Variants in PCDH15 observed in about 807,000 individuals in gnomAD.
PCDH15 encodes the protein protocadherin related 15, also known as protocadherin-15.
In PCDH15, 129 loss-of-function variants were observed where a neutral mutation model predicts 178.5. That is an observed-to-expected ratio of 0.72 (90% CI 0.63 to 0.84). PCDH15 has a LOEUF of 0.84. PCDH15 is among the 40% of genes least tolerant of loss of function. The probability of loss-of-function intolerance (pLI) is 0.00; values close to 1 mark genes in which losing one functional copy is unlikely to be tolerated. For synonymous variants in PCDH15, 800 were observed against 732.0 expected, an observed-to-expected ratio of 1.09 and a Z score of -1.50; for missense variants, 2,230 against 2,099.9, an observed-to-expected ratio of 1.06 and a Z score of -1.21.
chr10:54,065,061 T>C (rs2094111515), intron 18 of PCDH15, among the ~76,000 whole-genome samples: 1 of 152,204 alleles, frequency 6.6e-6, no homozygotes, highest in African/African-American at 2.4e-5. Flanking sequence ...CATCAGTATC[T>C]ACAGCCTGAC....
chr10:55,395,227 G>C (rs1310622850), intron 2 of PCDH15, among the ~76,000 whole-genome samples: 1 of 124,716 alleles, frequency 8.0e-6, no homozygotes, highest in Non-Finnish European at 1.9e-5. Flanking sequence ...GAGAGAGAGA[G>C]AGAGAAAGAG....
intron 2 of PCDH15, chr10:55,600,024 T>C: frequency 7.9e-7 from 1 of 1,265,432 alleles, no homozygotes; most frequent in Non-Finnish European, 1.0e-6. Context: ...TGCAAATAGA[T>C]TCAAACAAGC....
At chr10:55,243,210 AT>A (rs1382748993) in intron 1 of PCDH15, among the ~76,000 whole-genome samples, 4 of 152,214 alleles carry the variant, frequency 2.6e-5, no homozygotes, top group Non-Finnish European at 4.4e-5. Context: ...GCATTTTCAT[AT>A]TCCATTGAAC....
chr10:53,952,863 C>T (rs2087208551), intron 23 of PCDH15, among the ~76,000 whole-genome samples: 1 of 152,260 alleles, frequency 6.6e-6, no homozygotes, highest in Admixed American at 6.5e-5. Flanking sequence ...TGGGAACACA[C>T]AGCCAGGTGG....
chr10:54,146,122 GAATA>G (rs148507895), intron 14 of PCDH15, among the ~76,000 whole-genome samples: 6,126 of 151,892 alleles, frequency 0.04, 179 homozygotes, highest in South Asian at 0.06. Context: ...AAAAATAAAT[GAATA>G]AATAAATAGC....
chr10:55,316,642 G>T (rs1843729010), intron 1 of PCDH15, among the ~76,000 whole-genome samples: 5 of 152,080 alleles, frequency 3.3e-5, no homozygotes, highest in Admixed American at 3.3e-4. Flanking sequence ...AAGAAAGGAA[G>T]CATGTTTTGG....
At chr10:54,569,404 G>T (rs2089487108) in intron 2 of PCDH15, among the ~76,000 whole-genome samples, 1 of 152,134 alleles carries the variant, frequency 6.6e-6, no homozygotes, top group Non-Finnish European at 1.5e-5. Context: ...TTTTGCAGCA[G>T]AGAAGTTCCC....
At chr10:54,375,031 T>C (rs1025583872) in intron 4 of PCDH15, among the ~76,000 whole-genome samples, 2 of 152,102 alleles carry the variant, frequency 1.3e-5, no homozygotes, top group African/African-American at 4.8e-5. Context: ...GTAGAAAACA[T>C]GATTTGCATC....
chr10:55,098,873 T>G (rs1842507413), intron 2 of PCDH15, among the ~76,000 whole-genome samples: 1 of 131,518 alleles, frequency 7.6e-6, no homozygotes, highest in Non-Finnish European at 1.7e-5. Context: ...GAGTTCCATG[T>G]GTTCTTTCAT....
At chr10:54,355,120 C>CAAAAAAAAAAAAAAAA (rs770404490) in intron 5 of PCDH15, among the ~76,000 whole-genome samples, 1 of 69,840 alleles carries the variant, frequency 1.4e-5, no homozygotes, top group Non-Finnish European at 2.6e-5. Flanking sequence ...AGGAGGATTG[C>CAAAAAAAAAAAAAAAA]AAAAAAAAAA....
chr10:55,357,581 A>G (rs796762569), intron 2 of PCDH15, among the ~76,000 whole-genome samples: 7 of 152,106 alleles, frequency 4.6e-5, no homozygotes, highest in African/African-American at 1.7e-4. Context: ...GATTTTTGGG[A>G]AAGATTGAAT....
chr10:53,826,261 A>T (rs190275782), intron 32 of PCDH15, among the ~76,000 whole-genome samples: 1 of 152,040 alleles, frequency 6.6e-6, no homozygotes, highest in East Asian at 1.9e-4. Flanking sequence ...AACCTATTAT[A>T]AATTCAGATT....
intron 8 of PCDH15, among the ~76,000 whole-genome samples, chr10:54,293,992 C>A (rs2059589167): frequency 6.6e-6 from 1 of 152,202 alleles, no homozygotes; most frequent in African/African-American, 2.4e-5. Flanking sequence ...GATTATAAAT[C>A]ATGCTACTAT....
At chr10:53,827,629 G>A (rs1374205232) in intron 31 of PCDH15, 81 bp from the exon 32 acceptor site, 10 of 1,522,822 alleles carry the variant, frequency 6.6e-6, no homozygotes, top group Admixed American at 5.2e-5. Context: ...TAATAATGGG[G>A]TCCAGTTATC....
intron 1 of PCDH15, among the ~76,000 whole-genome samples, chr10:55,267,461 G>T (rs556193984): frequency 6.6e-6 from 1 of 152,126 alleles, no homozygotes; most frequent in African/African-American, 2.4e-5. Context: ...TTAAGTGCAG[G>T]TTAGCCAAAC....
chr10:55,146,048 T>C (rs893228240), intron 2 of PCDH15, among the ~76,000 whole-genome samples: 2 of 151,742 alleles, frequency 1.3e-5, no homozygotes, highest in Non-Finnish European at 2.9e-5. Flanking sequence ...GCTTTTTTTC[T>C]GTATAATCAG....
intron 1 of PCDH15, among the ~76,000 whole-genome samples, chr10:54,737,971 A>C (rs993630252): frequency 6.6e-5 from 10 of 152,042 alleles, no homozygotes; most frequent in African/African-American, 2.4e-4. Flanking sequence ...GAGTCACTGA[A>C]AAGCTGAGCT....
intron 2 of PCDH15, among the ~76,000 whole-genome samples, chr10:55,397,111 G>T (rs1006676761): frequency 2.0e-5 from 3 of 152,130 alleles, no homozygotes; most frequent in Admixed American, 6.6e-5. Flanking sequence ...CTCAACAACT[G>T]CAGTAGAACT....
intron 2 of PCDH15, among the ~76,000 whole-genome samples, chr10:55,131,230 C>A (rs1838033927): frequency 6.6e-6 from 1 of 152,180 alleles, no homozygotes; most frequent in South Asian, 2.1e-4. Context: ...AAACAAATGA[C>A]CTTTTCACTG....
Sources: allele counts gnomAD v4.1 joint callset (sites outside exome capture counted in the v4.1 genomes callset), GRCh38; gene constraint gnomAD v4.1.1; transcripts MANE v1.5; gene names NCBI Gene and HGNC (gene_info 2026-07-23, HGNC 2026-07-21).